The following PRTFDC1 variants were observed in gnomAD, a reference collection of about 807,000 sequenced individuals.
PRTFDC1 encodes phosphoribosyltransferase domain-containing protein 1.
A neutral mutation model predicts 34.6 loss-of-function variants in PRTFDC1; 38 were observed. The ratio of observed to expected loss-of-function variants is 1.10; its 90% CI spans 0.85 to 1.44. The LOEUF is 1.44. Ranked by LOEUF, PRTFDC1 falls within the 40% of genes most tolerant of loss-of-function variation. The pLI is 0.00. For missense variants in PRTFDC1, 270 were observed against 283.0 expected (o/e 0.95, Z 0.33); for synonymous variants, 93 against 98.1 (o/e 0.95, Z 0.31).
intron 3 of PRTFDC1, among the ~76,000 whole-genome samples, chr10:24,898,152 T>C (rs1486085762): frequency 1.3e-5 from 2 of 151,566 alleles, no homozygotes; most frequent in Non-Finnish European, 2.9e-5. Context: ...AGGTGACTGA[T>C]GGAAAAGAAG....
chr10:24,864,949 C>G (rs977594505), intron 4 of PRTFDC1, among the ~76,000 whole-genome samples: 5 of 152,080 alleles, frequency 3.3e-5, no homozygotes, highest in Non-Finnish European at 7.3e-5. Context: ...ACCTCTGTCT[C>G]TACTAAAAAT....
intron 2 of PRTFDC1, 91 bp from the exon 3 acceptor site, chr10:24,937,458 G>A (rs1250873784): frequency 1.7e-6 from 2 of 1,167,128 alleles, no homozygotes; most frequent in African/African-American, 1.6e-5. Flanking sequence ...GTACGTATTC[G>A]ATTACTCAGA....
chr10:24,886,117 C>A (rs1370822512), intron 3 of PRTFDC1, among the ~76,000 whole-genome samples: 1 of 152,018 alleles, frequency 6.6e-6, no homozygotes, highest in Non-Finnish European at 1.5e-5. Context: ...CAAGAGTGAA[C>A]CCTAATGCAA....
chr10:24,916,184 A>G (rs1848692774), intron 3 of PRTFDC1, among the ~76,000 whole-genome samples: 1 of 152,154 alleles, frequency 6.6e-6, no homozygotes, highest in Non-Finnish European at 1.5e-5. Context: ...CTTTACCTAT[A>G]AGATATATAC....
chr10:24,897,044 T>A (rs1848378781), intron 3 of PRTFDC1, among the ~76,000 whole-genome samples: 1 of 152,112 alleles, frequency 6.6e-6, no homozygotes, highest in Non-Finnish European at 1.5e-5. Flanking sequence ...AACCCATCTC[T>A]ACAAAAAATA....
intron 7 of PRTFDC1, among the ~76,000 whole-genome samples, chr10:24,854,353 G>A (rs989577158): frequency 2.0e-5 from 3 of 152,154 alleles, no homozygotes; most frequent in Non-Finnish European, 4.4e-5. Flanking sequence ...GCCCAGAACT[G>A]ACATGGTCCA....
At chr10:24,944,004 T>A (rs1441079426) in intron 1 of PRTFDC1, among the ~76,000 whole-genome samples, 2 of 152,144 alleles carry the variant, frequency 1.3e-5, no homozygotes, top group Non-Finnish European at 2.9e-5. Context: ...TGCAGTCAAG[T>A]CAGGATCCTT....
intron 1 of PRTFDC1, among the ~76,000 whole-genome samples, chr10:24,944,220 A>G (rs963952424): frequency 5.9e-5 from 9 of 152,182 alleles, no homozygotes; most frequent in Admixed American, 2.6e-4. Flanking sequence ...CAAGGCTCCC[A>G]TGCAGGATCC....
At chr10:24,863,239 C>T (rs2132500084) in intron 4 of PRTFDC1, among the ~76,000 whole-genome samples, 1 of 152,284 alleles carries the variant, frequency 6.6e-6, no homozygotes, top group Non-Finnish European at 1.5e-5. Flanking sequence ...TCAATGCTCA[C>T]TTACCATTCC....
At chr10:24,854,727 T>C (rs779594167) in intron 7 of PRTFDC1, among the ~76,000 whole-genome samples, 59 of 152,192 alleles carry the variant, frequency 3.9e-4, no homozygotes, top group Admixed American at 1.4e-3. Context: ...AGTGTGAAGA[T>C]GGTATCTAGA....
chr10:24,892,336 A>C (rs1476967690), intron 3 of PRTFDC1, among the ~76,000 whole-genome samples: 1 of 152,140 alleles, frequency 6.6e-6, no homozygotes, highest in East Asian at 1.9e-4. Flanking sequence ...TGTTCGCCAT[A>C]GTAGCTATGC....
intron 3 of PRTFDC1, among the ~76,000 whole-genome samples, chr10:24,880,847 C>CTTTCTTTCTTTCTTTCTTTCTTTCTT (rs1848063382): frequency 6.7e-6 from 1 of 149,102 alleles, no homozygotes; most frequent in African/African-American, 2.5e-5. Flanking sequence ...TTCTTTCTTT[C>CTTTCTTTCTTTCTTTCTTTCTTTCTT]TTTCTTTCTT....
intron 3 of PRTFDC1, among the ~76,000 whole-genome samples, chr10:24,879,832 C>T (rs980043674): frequency 2.6e-5 from 4 of 152,232 alleles, no homozygotes; most frequent in Admixed American, 2.0e-4. Flanking sequence ...CCCTTGAAAT[C>T]AACTTACCTT....
chr10:24,896,112 C>T (rs1172088904), intron 3 of PRTFDC1, among the ~76,000 whole-genome samples: 1 of 152,046 alleles, frequency 6.6e-6, no homozygotes, highest in Non-Finnish European at 1.5e-5. Context: ...ACAGGGGTCC[C>T]CAAACCCCAG....
In PRTFDC1 at chr10:24,853,312, T is replaced by C. The variant is rs538331261; in HGVS notation, c.554-1848A>G. On this transcript the variant is annotated intron_variant, in intron 7 of 8. Coordinates refer to ENST00000320152, the MANE Select transcript of PRTFDC1 (RefSeq NM_020200.7). ...CTAGGCAACAAAGTGAGATCCCATC[T>C]CAAAAAGAAAAAAAAAAGGTAAGGT... Among the ~76,000 whole-genome samples the C allele has an allele frequency of 3.3e-5, 5 of 150,992 alleles. No homozygotes were observed. The East Asian group carries it at 5.9e-4, about 18-fold the overall frequency.
At chr10:24,874,647 A>C (rs557436587) in intron 3 of PRTFDC1, among the ~76,000 whole-genome samples, 144 of 152,354 alleles carry the variant, frequency 9.5e-4, no homozygotes, top group African/African-American at 3.4e-3. Context: ...AGATAACTAA[A>C]TAATGTGCTA....
intron 4 of PRTFDC1, among the ~76,000 whole-genome samples, chr10:24,870,056 A>T (rs1465242421): frequency 1.3e-5 from 2 of 152,190 alleles, no homozygotes; most frequent in Non-Finnish European, 2.9e-5. Flanking sequence ...TAAGGTAAAC[A>T]TTGCAACTTG....
At chr10:24,911,123 G>A (rs554537060) in intron 3 of PRTFDC1, among the ~76,000 whole-genome samples, 1 of 152,072 alleles carries the variant, frequency 6.6e-6, no homozygotes, top group Admixed American at 6.6e-5. Flanking sequence ...TGCCATTTTT[G>A]AGAATATAAT....
At chr10:24,896,568 C>G (rs570166018) in intron 3 of PRTFDC1, among the ~76,000 whole-genome samples, 13 of 152,252 alleles carry the variant, frequency 8.5e-5, no homozygotes, top group Admixed American at 7.8e-4. Context: ...TAGTTTTAGT[C>G]TTTTCTTAAT....
Sources: allele counts gnomAD v4.1 joint callset (sites outside exome capture counted in the v4.1 genomes callset), GRCh38; gene constraint gnomAD v4.1.1; transcripts MANE v1.5; gene names NCBI Gene and HGNC (gene_info 2026-07-23, HGNC 2026-07-21).